TMPRSS11B: variants seen among roughly 807,000 people sequenced by gnomAD.
The protein encoded by TMPRSS11B is transmembrane serine protease 11B.
TMPRSS11B carries 53 observed loss-of-function variants against 44.7 expected under a neutral mutation model. The ratio of observed to expected loss-of-function variants is 1.19; its 90% CI spans 0.95 to 1.49. The LOEUF is 1.49. Among genes scored for constraint, TMPRSS11B ranks in the 40% most tolerant of loss-of-function variants. The probability of loss-of-function intolerance (pLI) is 0.00; values close to 1 mark genes in which losing one functional copy is unlikely to be tolerated. For missense variants in TMPRSS11B, 526 were observed against 494.8 expected (o/e 1.06, Z -0.60); for synonymous variants, 140 against 159.2 (o/e 0.88, Z 0.91).
Position 68,228,063 on chromosome 4 carries a change from C to A in TMPRSS11B, c.1099G>T (p.Gly367Cys). ...GEADACQNDS[G>C]GPLAYPDSRN... The stretch of plus-strand genomic sequence containing the variant: ...GAATCAGGGTAAGCTAGTGGTCCAC[C>A]AGAATCATTCTAGAAGAAGAAAAGA... Residue 367 changes from glycine to cysteine, a missense_variant, in exon 10 of 10, where the codon GGT becomes TGT. By Grantham distance (159) the Gly-to-Cys change is radical (BLOSUM62 -3). Transcript: ENST00000332644. 1 of 1,593,778 alleles carries A rather than the reference C, an allele frequency of 6.3e-7. No individual in the cohort carries two copies. Among genetic ancestry groups the A allele is most frequent in the Non-Finnish European group, 8.5e-7 (1 of 1,174,794 alleles).
At chr4:68,241,289 G>C (rs1046811081) in intron 2 of TMPRSS11B, among the ~76,000 whole-genome samples, 1 of 152,046 alleles carries the variant, frequency 6.6e-6, no homozygotes, top group Non-Finnish European at 1.5e-5. Flanking sequence ...AGAGTTATTT[G>C]CAGATTTTTC....
At chr4:68,238,668 A>G (rs1296080770) in intron 2 of TMPRSS11B, among the ~76,000 whole-genome samples, 1 of 152,112 alleles carries the variant, frequency 6.6e-6, no homozygotes, top group Non-Finnish European at 1.5e-5. Flanking sequence ...CAGAGGTTGC[A>G]GTTTGCTGAG....
chr4:68,228,240 C>T (rs983668599), intron 9 of TMPRSS11B, among the ~76,000 whole-genome samples, 168 bp from the exon 10 acceptor site: 1 of 152,054 alleles, frequency 6.6e-6, no homozygotes, highest in Non-Finnish European at 1.5e-5. Context: ...CAGCTACAAA[C>T]CAGAATATAT....
Position 68,231,502 on chromosome 4 carries a change from T to C in TMPRSS11B, c.509-122A>G, listed in dbSNP as rs1719515902. On this transcript the variant is annotated intron_variant, in intron 6 of 9. Transcript: ENST00000332644. ...ATTCAACTTCTCCTAATTGATGACG[T>C]TTCTTTCCTACAAGATACTCCTGTG... The C allele has an allele frequency of 5.4e-6, 5 of 928,552 alleles. No individual in the cohort carries two copies. The East Asian group carries it at 1.3e-4, about 25-fold the overall frequency. The allele number at this position is 928,552 out of a possible 1,614,324, so 57.5% of individuals were successfully genotyped here. A position where few individuals can be genotyped will look rare whatever the true frequency, so the allele number is the denominator to read the frequency against.
At chr4:68,238,700 C>G (rs1159368489) in intron 2 of TMPRSS11B, among the ~76,000 whole-genome samples, 1 of 152,098 alleles carries the variant, frequency 6.6e-6, no homozygotes, top group African/African-American at 2.4e-5. Context: ...GCACTCCAGC[C>G]TGGGAGATAG....
At chr4:68,242,252 AT>A (rs1719856759) in intron 1 of TMPRSS11B, among the ~76,000 whole-genome samples, 1 of 76,164 alleles carries the variant, frequency 1.3e-5, no homozygotes, top group Non-Finnish European at 2.3e-5. Context: ...TATTATATAT[AT>A]TATAATATAT....
At chr4:68,241,846 A>G (rs1349805976) in intron 1 of TMPRSS11B, 42 bp from the exon 2 acceptor site, 5 of 1,138,962 alleles carry the variant, frequency 4.4e-6, no homozygotes, top group Non-Finnish European at 6.7e-6. Flanking sequence ...GATAATAACA[A>G]TCAAAATCTA....
intron 1 of TMPRSS11B, among the ~76,000 whole-genome samples, chr4:68,243,658 T>G (rs1209279368): frequency 6.6e-6 from 1 of 152,326 alleles, no homozygotes; most frequent in Non-Finnish European, 1.5e-5. Context: ...TTGGATAACA[T>G]GTTTCTTTTA....
At chr4:68,245,443 A>G (rs1018543178) in intron 1 of TMPRSS11B, 108 bp downstream of exon 1, 8 of 1,196,238 alleles carry the variant, frequency 6.7e-6, no homozygotes, top group Non-Finnish European at 1.0e-5. Context: ...AGTGTCCAGG[A>G]ATAAAAACTA....
At chr4:68,237,373 A>G (rs1560443661) in intron 2 of TMPRSS11B, among the ~76,000 whole-genome samples, 1 of 152,108 alleles carries the variant, frequency 6.6e-6, no homozygotes, top group African/African-American at 2.4e-5. Flanking sequence ...AGTCTTTGCT[A>G]TTGTGAACAG....
chr4:68,241,534 T>C (rs1719820970), intron 2 of TMPRSS11B, among the ~76,000 whole-genome samples, 155 bp downstream of exon 2: 1 of 152,118 alleles, frequency 6.6e-6, no homozygotes, highest in Admixed American at 6.6e-5. Flanking sequence ...TTCAAAAAAT[T>C]TTATAAATTT....
At chr4:68,232,439 A>G (rs1477802995) in intron 5 of TMPRSS11B, 23 bp from the exon 6 acceptor site, 2 of 1,606,954 alleles carry the variant, frequency 1.2e-6, no homozygotes, top group East Asian at 4.5e-5. Context: ...AACAAAACAA[A>G]ATATAAAATT....
intron 2 of TMPRSS11B, among the ~76,000 whole-genome samples, chr4:68,241,230 T>C (rs959952234): frequency 6.6e-6 from 1 of 152,138 alleles, no homozygotes; most frequent in Non-Finnish European, 1.5e-5. Flanking sequence ...AAAACCATGT[T>C]TGTGCAAACA....
At chr4:68,238,560 T>TAA (rs5859126) in intron 2 of TMPRSS11B, among the ~76,000 whole-genome samples, 2 of 142,050 alleles carry the variant, frequency 1.4e-5, no homozygotes, top group African/African-American at 5.3e-5. Flanking sequence ...CCATCTCTAC[T>TAA]AAAAAAAAAA....
chr4:68,245,562 G>A lies in TMPRSS11B; in HGVS notation c.-4C>T. On this transcript the variant is annotated 5_prime_UTR_variant, in exon 1 of 10. Transcript: ENST00000332644. ...GAAGTCCCCTTTACCTGTACATAATGTTCTGATTGTTATGGCAGTATCAGG... is the reference window on the plus strand; with the variant it reads ...GAAGTCCCCTTTACCTGTACATAATATTCTGATTGTTATGGCAGTATCAGG... 1 of 1,613,440 alleles carries A rather than the reference G, an allele frequency of 6.2e-7. No homozygotes were observed. Among genetic ancestry groups the A allele is most frequent in the Non-Finnish European group, 8.5e-7 (1 of 1,179,570 alleles).
At chr4:68,232,324 T>G in intron 6 of TMPRSS11B, 54 bp downstream of exon 6, 105 of 1,521,402 alleles carry the variant, frequency 6.9e-5, no homozygotes, top group Non-Finnish European at 9.1e-5. Flanking sequence ...AGAAAAATAA[T>G]GAGAAAATAC....
chr4:68,234,452 A>G lies in TMPRSS11B; in HGVS notation c.469+11T>C, dbSNP rs900387143. On this transcript the variant is annotated intron_variant, in intron 5 of 9. Coordinates refer to ENST00000332644, the MANE Select transcript of TMPRSS11B (RefSeq NM_182502.3). Reference sequence around the variant, plus strand: ...CTATGTAATAGAAAATAATGGAAATAAGTCAAATACCCATGAGTTTAATGG... The same window carrying G: ...CTATGTAATAGAAAATAATGGAAATGAGTCAAATACCCATGAGTTTAATGG... 1.9e-6 allele frequency: 3 copies of G among 1,602,278 alleles called. No individual in the cohort carries two copies. The highest frequency in any genetic ancestry group is 2.6e-6 in the Non-Finnish European group (3 of 1,176,410).
At chr4:68,228,705 C>A (rs970033244) in intron 9 of TMPRSS11B, 37 bp downstream of exon 9, 2 of 1,553,680 alleles carry the variant, frequency 1.3e-6, no homozygotes, top group Admixed American at 2.1e-5. Context: ...ATTTGATTAA[C>A]TGGGAGAAAA....
intron 2 of TMPRSS11B, among the ~76,000 whole-genome samples, chr4:68,240,673 G>A (rs1167523452): frequency 1.3e-5 from 2 of 152,102 alleles, no homozygotes; most frequent in African/African-American, 4.8e-5. Context: ...GGGAAAGAGA[G>A]GACAGAAAGA....
Sources: gnomAD v4.1 joint callset for allele counts (sites outside exome capture counted in the v4.1 genomes callset) on GRCh38, gnomAD v4.1.1 for gene constraint, MANE v1.5 for transcripts, NCBI Gene and HGNC (gene_info 2026-07-23, HGNC 2026-07-21) for gene names.